SSR1: variants seen among roughly 807,000 people sequenced by gnomAD.
SSR1 encodes translocon-associated protein subunit alpha.
A neutral mutation model predicts 36.1 loss-of-function variants in SSR1; 13 were observed. The observed-to-expected ratio is 0.36, with a 90% confidence interval of 0.23 to 0.57. The LOEUF is 0.57. SSR1 is among the 20% of genes least tolerant of loss of function. The probability of loss-of-function intolerance (pLI) is 0.81; values close to 1 mark genes in which losing one functional copy is unlikely to be tolerated. For synonymous variants in SSR1, 113 were observed against 118.9 expected (o/e 0.95, Z 0.32); for missense variants, 291 against 338.5 (o/e 0.86, Z 1.10).
At chr6:7,309,886 T>C (rs1758150452) in intron 2 of SSR1, 31 bp downstream of exon 2, 1 of 1,463,750 alleles carries the variant, frequency 6.8e-7, no homozygotes, top group African/African-American at 1.4e-5. Flanking sequence ...TACATACATT[T>C]TACATATATT....
chr6:7,312,982 A>G, intron 1 of SSR1, 60 bp downstream of exon 1: 1 of 1,529,540 alleles, frequency 6.5e-7, no homozygotes, highest in Non-Finnish European at 8.9e-7. Flanking sequence ...CCAACTTCAA[A>G]CTTGCCATCA....
intron 7 of SSR1, 82 bp downstream of exon 7, chr6:7,295,310 G>GT (rs1008605545): frequency 8.8e-3 from 9,810 of 1,118,054 alleles, no homozygotes; most frequent in Non-Finnish European, 9.9e-3. Flanking sequence ...TACTGAAAAA[G>GT]TTTTTTTTTT....
At chr6:7,306,552 C>T (rs1313961477) in intron 2 of SSR1, among the ~76,000 whole-genome samples, 1 of 152,090 alleles carries the variant, frequency 6.6e-6, no homozygotes, top group Non-Finnish European at 1.5e-5. Context: ...AAAAACCTTT[C>T]AGGAATGATG....
chr6:7,307,676 G>A (rs1467897798), intron 2 of SSR1, among the ~76,000 whole-genome samples: 1 of 152,174 alleles, frequency 6.6e-6, no homozygotes, highest in African/African-American at 2.4e-5. Context: ...AGGATTACAG[G>A]CGCAAGCCAC....
At chr6:7,306,048 G>C (rs922446116) in intron 2 of SSR1, among the ~76,000 whole-genome samples, 1 of 152,222 alleles carries the variant, frequency 6.6e-6, no homozygotes, top group African/African-American at 2.4e-5. Context: ...TTCATGGCTG[G>C]AAGGCACACA....
rs1007950223 is a variant in SSR1 at position 7,284,451 on chromosome 6, A to G, written c.*5413T>C. The G allele has an allele frequency of 1.3e-5, 2 of 152,096 alleles. No homozygotes were observed. The highest frequency in any genetic ancestry group is 2.4e-5 in the African/African-American group (1 of 41,400). 9.4% of individuals were successfully genotyped at this position (152,096 alleles called of 1,614,324 possible). On this transcript the variant is annotated 3_prime_UTR_variant, in exon 8 of 8. Transcript: ENST00000244763. ...ATATTCAGAATTTACCTACTACCCC[A>G]CCACATCAAAGTCCATAAGGTACCA...
chr6:7,309,575 G>A (rs1271244946), intron 2 of SSR1, among the ~76,000 whole-genome samples: 2 of 152,246 alleles, frequency 1.3e-5, no homozygotes, highest in South Asian at 2.1e-4. Flanking sequence ...CATCGTGGGA[G>A]GAACCTGGTG....
rs1470852557 is a variant in SSR1, at chr6:7,287,971, T to C, written c.*1893A>G. The C allele has an allele frequency of 1.3e-5, 2 of 152,124 alleles. No individual in the cohort carries two copies. Among genetic ancestry groups the C allele is most frequent in the Non-Finnish European group, 2.9e-5 (2 of 67,986 alleles). 9.4% of individuals were successfully genotyped at this position (152,124 alleles called of 1,614,324 possible). A position where few individuals can be genotyped will look rare whatever the true frequency, so the allele number is the denominator to read the frequency against. On this transcript the variant is annotated 3_prime_UTR_variant, in exon 8 of 8. Coordinates refer to ENST00000244763, the MANE Select transcript of SSR1 (RefSeq NM_003144.5). ...AATAAATTCTACATTTCCGAGGCAC[T>C]AATTTGAACTTCAGAAGTGGGAGGG...
intron 3 of SSR1, among the ~76,000 whole-genome samples, chr6:7,302,451 A>G (rs1355529740): frequency 6.6e-6 from 1 of 152,196 alleles, no homozygotes; most frequent in Non-Finnish European, 1.5e-5. Flanking sequence ...ATTATCAGCC[A>G]TAATTATTTT....
rs554149770 is a variant in SSR1, at chr6:7,312,497, G to C, written c.79+545C>G. 1.5e-3 allele frequency among the ~76,000 whole-genome samples: 228 copies of C among 152,274 alleles called. 2 individuals are homozygous for C. The highest frequency in any genetic ancestry group is 5.2e-3 in the African/African-American group (217 of 41,558). ...AACACATACGGGTCAAGCAGGGCGTGAACAAGGCAGATGACCATTGAACAA... is the reference window on the plus strand; with the variant it reads ...AACACATACGGGTCAAGCAGGGCGTCAACAAGGCAGATGACCATTGAACAA... On this transcript the variant is annotated intron_variant, in intron 1 of 7. Transcript: ENST00000244763.
chr6:7,313,160 C>T lies in SSR1; in HGVS notation c.-40G>A, dbSNP rs1484889043. 6.4e-7 allele frequency: 1 copy of T among 1,555,734 alleles called. No individual in the cohort carries two copies. Among genetic ancestry groups the T allele is most frequent in the Non-Finnish European group, 8.7e-7 (1 of 1,147,376 alleles). Reference sequence around the variant, plus strand: ...AGTGTCCAGTTTCCGTCGGCTAAGGCTCTCGGCGGCTCCGGCGGTAATGGC... The same window carrying T: ...AGTGTCCAGTTTCCGTCGGCTAAGGTTCTCGGCGGCTCCGGCGGTAATGGC... On this transcript the variant is annotated 5_prime_UTR_variant, in exon 1 of 8. Coordinates refer to ENST00000244763, the MANE Select transcript of SSR1 (RefSeq NM_003144.5).
chr6:7,291,245 A>C (rs1581626731), intron 7 of SSR1, among the ~76,000 whole-genome samples: 1 of 152,088 alleles, frequency 6.6e-6, no homozygotes, highest in East Asian at 1.9e-4. Flanking sequence ...CTAAACTATA[A>C]AAATTAGCCA....
intron 6 of SSR1, 90 bp from the exon 7 acceptor site, chr6:7,295,575 G>T: frequency 1.1e-6 from 1 of 938,388 alleles, no homozygotes. Flanking sequence ...TTGCTATGTT[G>T]CCCAGGCTGC....
At chr6:7,306,216 C>T (rs1224642891) in intron 2 of SSR1, among the ~76,000 whole-genome samples, 1 of 152,196 alleles carries the variant, frequency 6.6e-6, no homozygotes, top group East Asian at 1.9e-4. Context: ...GATCTCAGCT[C>T]ACTGTAAGCT....
chr6:7,295,531 T>C lies in SSR1; in HGVS notation c.700-46A>G. ...ATTTTAAAGGAGTTCCGTTACACCA[T>C]TTACTTAATATTTTTTAAAAAAGAG... On this transcript the variant is annotated intron_variant, in intron 6 of 7. Transcript: ENST00000244763. The C allele has an allele frequency of 6.0e-6, 8 of 1,333,232 alleles. No homozygotes were observed. The East Asian group carries it at 7.3e-5, about 12-fold the overall frequency. The allele number at this position is 1,333,232 out of a possible 1,614,324, so 82.6% of individuals were successfully genotyped here. A position where few individuals can be genotyped will look rare whatever the true frequency, so the allele number is the denominator to read the frequency against.
rs1435880886 is a variant in SSR1, at chr6:7,285,076, C to T, written c.*4788G>A. On this transcript the variant is annotated 3_prime_UTR_variant, in exon 8 of 8. Coordinates refer to ENST00000244763, the MANE Select transcript of SSR1 (RefSeq NM_003144.5). The surrounding 1 kb of genome is among the most constrained non-coding windows in gnomAD (Gnocchi z 4.1). ...GAAAACTGGCCCACATTTTCTTGTT[C>T]CTTCTTCAAAGAGTAATAGGGTTCT... is the stretch of plus-strand genomic sequence containing the variant. The T allele has an allele frequency of 6.6e-6, 1 of 152,116 alleles. No homozygotes were observed. The highest frequency in any genetic ancestry group is 1.5e-5 in the Non-Finnish European group (1 of 68,030). 9.4% of individuals were successfully genotyped at this position (152,116 alleles called of 1,614,324 possible).
At chr6:7,303,050 C>T (rs1033395941) in intron 3 of SSR1, among the ~76,000 whole-genome samples, 71 of 142,576 alleles carry the variant, frequency 5.0e-4, no homozygotes, top group African/African-American at 1.8e-3. Flanking sequence ...GCAGGAGAAT[C>T]GCTTGAAACC....
Position 7,285,826 on chromosome 6 carries a change from T to C in SSR1, c.*4038A>G, listed in dbSNP as rs2113263286. The C allele has an allele frequency of 6.6e-6, 1 of 152,364 alleles. No individual in the cohort carries two copies. The highest frequency in any genetic ancestry group is 1.5e-5 in the Non-Finnish European group (1 of 68,038). 9.4% of individuals were successfully genotyped at this position (152,364 alleles called of 1,614,324 possible). ...GATTTATCTTTCAATCCTTTAGAGC[T>C]TGAAAATGCAATCAACCCATGAAAA... is the stretch of plus-strand genomic sequence containing the variant. On this transcript the variant is annotated 3_prime_UTR_variant, in exon 8 of 8. Coordinates refer to ENST00000244763, the MANE Select transcript of SSR1 (RefSeq NM_003144.5). This position sits in a 1 kb window ranked among gnomAD's most constrained non-coding sequence, Gnocchi z 4.1.
intron 6 of SSR1, among the ~76,000 whole-genome samples, chr6:7,296,624 T>C (rs896329812): frequency 6.6e-6 from 1 of 151,624 alleles, no homozygotes; most frequent in East Asian, 1.9e-4. Flanking sequence ...AGAAATAGTA[T>C]AGGTTTTGTT....
Sources: allele counts gnomAD v4.1 joint callset (sites outside exome capture counted in the v4.1 genomes callset), GRCh38; gene constraint gnomAD v4.1.1; non-coding constraint Gnocchi (gnomAD v3.1); transcripts MANE v1.5; gene names NCBI Gene and HGNC (gene_info 2026-07-23, HGNC 2026-07-21).